Variants in CACNB4 observed in about 807,000 individuals in gnomAD.
CACNB4 encodes voltage-dependent L-type calcium channel subunit beta-4.
Under a neutral mutation model 71.2 loss-of-function variants are expected in CACNB4, and 32 were observed. That is an observed-to-expected ratio of 0.45 (90% confidence interval 0.34 to 0.60). The LOEUF (loss-of-function observed/expected upper bound fraction) is 0.60, where lower values mean the gene tolerates loss of function less well. Ranked by LOEUF, CACNB4 falls within the 20% of genes least tolerant of loss-of-function variation. CACNB4 has a pLI of 0.01. For missense variants in CACNB4, 464 were observed against 647.9 expected, an observed-to-expected ratio of 0.72 and a Z score of 3.08; for synonymous variants, 231 against 236.9, an observed-to-expected ratio of 0.97 and a Z score of 0.23.
At chr2:151,923,765 C>A (rs1367480056) in intron 2 of CACNB4, among the ~76,000 whole-genome samples, 1 of 152,158 alleles carries the variant, frequency 6.6e-6, no homozygotes, top group Non-Finnish European at 1.5e-5. Flanking sequence ...GGCTGGGTAA[C>A]CCTAGGAAAG....
At chr2:152,089,196 G>C (rs1471447795) in intron 2 of CACNB4, among the ~76,000 whole-genome samples, 4 of 152,138 alleles carry the variant, frequency 2.6e-5, no homozygotes, top group Non-Finnish European at 5.9e-5. Context: ...TTGTTTTCCT[G>C]GTTCATGAAG....
intron 2 of CACNB4, among the ~76,000 whole-genome samples, chr2:151,957,399 C>T (rs886346871): frequency 6.6e-6 from 1 of 151,716 alleles, no homozygotes; most frequent in Admixed American, 6.6e-5. Context: ...TATTGAATTT[C>T]AATTCATTCC....
intron 10 of CACNB4, among the ~76,000 whole-genome samples, chr2:151,855,926 A>G (rs1003893857): frequency 6.6e-6 from 1 of 152,078 alleles, no homozygotes; most frequent in Non-Finnish European, 1.5e-5. Flanking sequence ...AACTAATCAT[A>G]TTACTAAGTC....
chr2:152,048,621 G>A (rs1230973117), intron 2 of CACNB4: 1 of 152,388 alleles, frequency 6.6e-6, no homozygotes, highest in East Asian at 1.9e-4. Flanking sequence ...TACCCAGGAT[G>A]TGAGCAGGAG....
intron 2 of CACNB4, among the ~76,000 whole-genome samples, chr2:152,070,338 C>T (rs187443454): frequency 6.6e-6 from 1 of 152,124 alleles, no homozygotes; most frequent in East Asian, 1.9e-4. Context: ...TTTAAAATAT[C>T]TTTTCATGCT....
intron 2 of CACNB4, among the ~76,000 whole-genome samples, chr2:152,035,766 C>CT (rs1316683680): frequency 6.6e-6 from 1 of 151,940 alleles, no homozygotes; most frequent in African/African-American, 2.4e-5. Context: ...ACTTCTCAAG[C>CT]TTTTACCCCT....
In CACNB4 at chr2:151,953,327, G is replaced by A. The variant is rs145404553; in HGVS notation, c.148-69957C>T. 3.3e-5 allele frequency among the ~76,000 whole-genome samples: 5 copies of A among 152,188 alleles called. No individual in the cohort carries two copies. In the East Asian group the frequency reaches 5.8e-4, roughly 18 times the overall value. ...GGTCCCCATCCTTACTCGTGTGCCC[G>A]TACCTTGTTTGCTCCTTCTCTTGTT... On this transcript the variant is annotated intron_variant, in intron 2 of 13. Coordinates refer to ENST00000539935, the MANE Select transcript of CACNB4 (RefSeq NM_000726.5).
intron 2 of CACNB4, among the ~76,000 whole-genome samples, chr2:152,054,010 G>C (rs1419433962): frequency 1.3e-5 from 2 of 152,128 alleles, no homozygotes; most frequent in Non-Finnish European, 2.9e-5. Flanking sequence ...TAAAATTATA[G>C]GATACCCAGT....
In CACNB4 at chr2:152,098,585, CTGCA is replaced by C; in HGVS notation, c.64-176_64-173del. 8.3e-7 allele frequency: 1 copy of C among 1,198,586 alleles called. No homozygotes were observed. Among genetic ancestry groups the C allele is most frequent in the Non-Finnish European group, 1.2e-6 (1 of 824,268 alleles). The allele number at this position is 1,198,586 out of a possible 1,614,324, so 74.2% of individuals were successfully genotyped here. On this transcript the variant is annotated intron_variant, in intron 1 of 13. Transcript: ENST00000539935. This position sits in a 1 kb window ranked among gnomAD's most constrained non-coding sequence, Gnocchi z 5.3. ...TACAGCCCCCACCCCCACCCACCCACTGCAAGCCTCGACTGCTGAAAAGATGCTC... is the reference window on the plus strand; with the variant it reads ...TACAGCCCCCACCCCCACCCACCCACAGCCTCGACTGCTGAAAAGATGCTC...
At chr2:151,853,329 A>T (rs943559565) in intron 12 of CACNB4, 119 bp downstream of exon 12, 10 of 604,838 alleles carry the variant, frequency 1.7e-5, no homozygotes, top group Non-Finnish European at 2.8e-5. Flanking sequence ...GAAATCTTTT[A>T]GATGACAACA....
chr2:152,054,321 G>C (rs891914280), intron 2 of CACNB4, among the ~76,000 whole-genome samples: 1 of 138,332 alleles, frequency 7.2e-6, no homozygotes, highest in Admixed American at 7.9e-5. Context: ...AGCCGAGATC[G>C]CGCCACTGCA....
chr2:152,093,026 A>G (rs1003604946), intron 2 of CACNB4, among the ~76,000 whole-genome samples: 1 of 152,174 alleles, frequency 6.6e-6, no homozygotes, highest in African/African-American at 2.4e-5. Context: ...GTACTCACCT[A>G]CATTCAGACC....
intron 2 of CACNB4, among the ~76,000 whole-genome samples, chr2:152,014,524 A>G (rs911560343): frequency 1.3e-5 from 2 of 151,944 alleles, no homozygotes; most frequent in Admixed American, 1.3e-4. Flanking sequence ...TGAGGCCAGG[A>G]GTTCGAGACC....
chr2:152,017,577 G>A (rs946993852), intron 2 of CACNB4, among the ~76,000 whole-genome samples: 8 of 151,738 alleles, frequency 5.3e-5, no homozygotes, highest in Non-Finnish European at 8.8e-5. Context: ...GCATGGTGGC[G>A]GGTGCCTGTA....
chr2:152,024,662 T>C (rs546077690), intron 2 of CACNB4, among the ~76,000 whole-genome samples: 23 of 152,358 alleles, frequency 1.5e-4, no homozygotes, highest in African/African-American at 5.3e-4. Context: ...CATCATTGTA[T>C]ATTTCCCCAC....
At chr2:152,066,403 T>C (rs1226807240) in intron 2 of CACNB4, among the ~76,000 whole-genome samples, 1 of 152,160 alleles carries the variant, frequency 6.6e-6, no homozygotes, top group Non-Finnish European at 1.5e-5. Context: ...ATGCTCACTA[T>C]CACTGGCCAT....
intron 2 of CACNB4, among the ~76,000 whole-genome samples, chr2:152,031,951 G>T (rs939950167): frequency 6.6e-6 from 1 of 152,198 alleles, no homozygotes; most frequent in Non-Finnish European, 1.5e-5. Flanking sequence ...CTCACAGCCC[G>T]TGGCTTGCTT....
chr2:151,947,634 G>A (rs1189265324), intron 2 of CACNB4, among the ~76,000 whole-genome samples: 1 of 152,186 alleles, frequency 6.6e-6, no homozygotes, highest in African/African-American at 2.4e-5. Flanking sequence ...TTGGTAGGGA[G>A]AAGGTTCTTT....
At chr2:152,046,376 G>A (rs928285511) in intron 2 of CACNB4, among the ~76,000 whole-genome samples, 1 of 152,154 alleles carries the variant, frequency 6.6e-6, no homozygotes, top group Admixed American at 6.5e-5. Flanking sequence ...AAATGTGAAA[G>A]CAGCACCTTT....
Sources: allele counts gnomAD v4.1 joint callset (sites outside exome capture counted in the v4.1 genomes callset), GRCh38; gene constraint gnomAD v4.1.1; non-coding constraint Gnocchi (gnomAD v3.1); transcripts MANE v1.5; gene names NCBI Gene and HGNC (gene_info 2026-07-23, HGNC 2026-07-21).